Variants in ARRB1 observed in about 807,000 individuals in gnomAD.
ARRB1 encodes beta-arrestin-1.
A neutral mutation model predicts 56.8 loss-of-function variants in ARRB1; 21 were observed. The observed-to-expected ratio is 0.37, with a 90% CI of 0.26 to 0.53. The LOEUF is 0.53. Among genes scored for constraint, ARRB1 ranks in the 20% least tolerant of loss-of-function variants. The probability of loss-of-function intolerance (pLI) is 0.88; values close to 1 mark genes in which losing one functional copy is unlikely to be tolerated. For missense variants in ARRB1, 424 were observed against 553.7 expected, an observed-to-expected ratio of 0.77 and a Z score of 2.35; for synonymous variants, 210 against 218.6, an observed-to-expected ratio of 0.96 and a Z score of 0.35.
intron 7 of ARRB1, 175 bp downstream of exon 7, chr11:75,280,900 C>T: frequency 1.4e-6 from 1 of 692,148 alleles, no homozygotes; most frequent in East Asian, 2.7e-5. Context: ...GTCGAAGCCA[C>T]CTCCCCAAGG....
intron 1 of ARRB1, among the ~76,000 whole-genome samples, chr11:75,332,717 AAACCCCGTCTC>A (rs1458918844): frequency 6.6e-6 from 1 of 152,208 alleles, no homozygotes; most frequent in Admixed American, 6.5e-5. Flanking sequence ...CAATATGGTG[AAACCCCGTCTC>A]AACTAAAAAT....
rs937279628 is a variant in ARRB1 at position 75,263,095 on chromosome 11, A to G, written c.*3068T>C. 6.6e-6 allele frequency among the ~76,000 whole-genome samples: 1 copy of G among 152,220 alleles called. No homozygotes were observed. Among genetic ancestry groups the G allele is most frequent in the Admixed American group, 6.5e-5 (1 of 15,288 alleles). On this transcript the variant is annotated 3_prime_UTR_variant, in exon 16 of 16. Coordinates refer to ENST00000420843, the MANE Select transcript of ARRB1 (RefSeq NM_004041.5). ...AGTCCCAGTGACGGATGGCTTGGCCAGTGCAGGCCCCAAACACTTGGCAGA... is the reference window on the plus strand; with the variant it reads ...AGTCCCAGTGACGGATGGCTTGGCCGGTGCAGGCCCCAAACACTTGGCAGA...
chr11:75,337,690 G>A (rs1947627336), intron 1 of ARRB1, among the ~76,000 whole-genome samples: 1 of 151,680 alleles, frequency 6.6e-6, no homozygotes, highest in Admixed American at 6.6e-5. Flanking sequence ...CCTGGAAGAG[G>A]CCATTCACTC....
At chr11:75,341,907 C>T (rs1293096705) in intron 1 of ARRB1, among the ~76,000 whole-genome samples, 2 of 152,218 alleles carry the variant, frequency 1.3e-5, no homozygotes, top group Non-Finnish European at 2.9e-5. Context: ...CTGTCTGCCA[C>T]TTCCAGAAGG....
At chr11:75,333,928 C>G (rs192119307) in intron 1 of ARRB1, among the ~76,000 whole-genome samples, 1 of 152,302 alleles carries the variant, frequency 6.6e-6, no homozygotes, top group Admixed American at 6.5e-5. Context: ...AAGGTCAGCT[C>G]GGCCTGCCCT....
At chr11:75,311,858 T>C (rs944385519) in intron 1 of ARRB1, among the ~76,000 whole-genome samples, 4 of 152,212 alleles carry the variant, frequency 2.6e-5, no homozygotes, top group African/African-American at 7.2e-5. Flanking sequence ...TGCTGGCCTG[T>C]GACACCCTCC....
rs142938698 is a variant in ARRB1 at position 75,277,387 on chromosome 11, G to A, written c.680C>T (p.Thr227Met). Residue 227 changes from threonine to methionine, a missense_variant, in exon 9 of 16, where the codon ACG becomes ATG. By Grantham distance (81) the Thr-to-Met change is moderately conservative. Around this residue, in one of 3 missense-constraint regions of ARRB1, gnomAD observed 301 missense variants for 387.9 expected, o/e 0.78. Coordinates refer to ENST00000420843, the MANE Select transcript of ARRB1 (RefSeq NM_004041.5). The part of the protein sequence containing the change: ...NVHVTNNTNK[T>M]VKKIKISVRQ... ...ACCTGAGATCTTGATCTTCTTCACC[G>A]TCTTGTTGGTGTTGTTGGTGACGTG... is the stretch of plus-strand genomic sequence containing the variant. 122 of 1,614,126 alleles carry A rather than the reference G, an allele frequency of 7.6e-5. No individual in the cohort carries two copies. The African/African-American group carries it at 1.0e-3, about 13-fold the overall frequency.
intron 1 of ARRB1, among the ~76,000 whole-genome samples, chr11:75,342,547 G>A (rs1471613737): frequency 6.6e-6 from 1 of 152,072 alleles, no homozygotes; most frequent in African/African-American, 2.4e-5. Flanking sequence ...GTGGGTCATC[G>A]GAAACCATGG....
chr11:75,348,727 A>C (rs1057432740), intron 1 of ARRB1, among the ~76,000 whole-genome samples: 1 of 152,054 alleles, frequency 6.6e-6, no homozygotes, highest in Non-Finnish European at 1.5e-5. Context: ...CCTCCAGAGT[A>C]GTTAGGACTA....
intron 2 of ARRB1, among the ~76,000 whole-genome samples, chr11:75,289,723 C>T (rs746712380): frequency 1.5e-4 from 23 of 152,194 alleles, no homozygotes; most frequent in Admixed American, 2.6e-4. Flanking sequence ...TTGTCCTCCA[C>T]TGTCACATAC....
chr11:75,268,774 G>A, intron 14 of ARRB1, 115 bp downstream of exon 14: 1 of 1,127,410 alleles, frequency 8.9e-7, no homozygotes, highest in Non-Finnish European at 1.3e-6. Context: ...AAAAGATCTG[G>A]GGACCCGAGA....
rs554811689 is a variant in ARRB1, at chr11:75,291,588, G to GT, written c.21-1550_21-1549insA. ...CTCCTCCTGCCCTCTCCCCCGAGCT[G>GT]GGTCTTGGAGCCTGAGACCCCCTTC... On this transcript the variant is annotated intron_variant, in intron 1 of 15. Transcript: ENST00000420843. Among the ~76,000 whole-genome samples the GT allele has an allele frequency of 1.7e-3, 253 of 152,270 alleles. 1 individual carries two copies. Among genetic ancestry groups the GT allele is most frequent in the African/African-American group, 5.5e-3 (229 of 41,560 alleles).
intron 1 of ARRB1, chr11:75,306,476 G>C (rs560644874): frequency 2.7e-6 from 2 of 735,920 alleles, no homozygotes; most frequent in South Asian, 2.9e-5. Flanking sequence ...ACATCTCATG[G>C]AGAGAGGAAG....
intron 7 of ARRB1, among the ~76,000 whole-genome samples, chr11:75,280,811 G>A (rs1033733666): frequency 1.3e-5 from 2 of 152,240 alleles, no homozygotes; most frequent in Non-Finnish European, 1.5e-5. Context: ...TGGAGGGGAT[G>A]AAATGAGAGG....
intron 1 of ARRB1, among the ~76,000 whole-genome samples, chr11:75,334,015 T>C (rs1241358503): frequency 6.6e-6 from 1 of 152,136 alleles, no homozygotes; most frequent in Non-Finnish European, 1.5e-5. Flanking sequence ...TCCAGACTTC[T>C]ACTCTGCCCC....
At chr11:75,267,282 T>C (rs1945943980) in intron 15 of ARRB1, among the ~76,000 whole-genome samples, 1 of 152,126 alleles carries the variant, frequency 6.6e-6, no homozygotes, top group South Asian at 2.1e-4. Flanking sequence ...CCCAGTCCCC[T>C]GCCCACCCCA....
At chr11:75,309,511 C>T (rs532200459) in intron 1 of ARRB1, among the ~76,000 whole-genome samples, 45 of 152,344 alleles carry the variant, frequency 3.0e-4, no homozygotes, top group African/African-American at 1.1e-3. Flanking sequence ...AGAGTTGGAG[C>T]TCTGTGAATG....
At chr11:75,303,773 C>G in intron 1 of ARRB1, 1 of 445,948 alleles carries the variant, frequency 2.2e-6, no homozygotes, top group Admixed American at 2.4e-5. Flanking sequence ...AGGCACCCAG[C>G]ACACATGTGC....
intron 8 of ARRB1, among the ~76,000 whole-genome samples, chr11:75,277,837 T>C (rs2140415679): frequency 6.6e-6 from 1 of 152,348 alleles, no homozygotes; most frequent in African/African-American, 2.4e-5. Flanking sequence ...GCAGTAATTG[T>C]GACAACAATA....
Sources: allele counts gnomAD v4.1 joint callset (sites outside exome capture counted in the v4.1 genomes callset), GRCh38; gene constraint gnomAD v4.1.1; regional missense constraint gnomAD v4.1.1; transcripts MANE v1.5; gene names NCBI Gene and HGNC (gene_info 2026-07-23, HGNC 2026-07-21).